The following ROBO2 variants were observed in gnomAD, a reference collection of about 807,000 sequenced individuals.
ROBO2 encodes roundabout guidance receptor 2, also known as roundabout homolog 2.
Under a neutral mutation model 160.8 loss-of-function variants are expected in ROBO2, and 53 were observed. The ratio of observed to expected loss-of-function variants is 0.33; its 90% CI spans 0.26 to 0.41. The LOEUF is 0.41. ROBO2 is among the 10% of genes least tolerant of loss of function. The probability of loss-of-function intolerance (pLI) is 1.00; values close to 1 mark genes in which losing one functional copy is unlikely to be tolerated. For missense variants in ROBO2, 1,577 were observed against 1,722.4 expected (o/e 0.92, Z 1.49); for synonymous variants, 664 against 611.7 (o/e 1.09, Z -1.26).
At chr3:77,413,104 T>G (rs2076936057) in intron 2 of ROBO2, among the ~76,000 whole-genome samples, 1 of 152,076 alleles carries the variant, frequency 6.6e-6, no homozygotes, top group African/African-American at 2.4e-5. Context: ...CAGTACTCTT[T>G]TGGGCCCTGG....
At chr3:76,368,829 A>G (rs2075962623) in intron 2 of ROBO2, among the ~76,000 whole-genome samples, 2 of 151,964 alleles carry the variant, frequency 1.3e-5, no homozygotes, top group South Asian at 4.1e-4. Context: ...AATTGAGACT[A>G]AAGATACCTT....
At chr3:76,738,149 TA>T (rs1445560588) in intron 2 of ROBO2, among the ~76,000 whole-genome samples, 4 of 150,958 alleles carry the variant, frequency 2.6e-5, no homozygotes, top group African/African-American at 7.3e-5. Flanking sequence ...AAATAAAAAA[TA>T]AAAAAAAGAG....
chr3:76,582,559 G>C (rs1169716163), intron 2 of ROBO2, among the ~76,000 whole-genome samples: 1 of 151,754 alleles, frequency 6.6e-6, no homozygotes, highest in African/African-American at 2.4e-5. Context: ...AAAACAAATA[G>C]AAAAATTAAA....
At chr3:77,254,737 A>G (rs568612499) in intron 2 of ROBO2, among the ~76,000 whole-genome samples, 2 of 152,204 alleles carry the variant, frequency 1.3e-5, no homozygotes, top group Admixed American at 6.5e-5. Flanking sequence ...TGTTCTAGGC[A>G]CTTATTTCAC....
At chr3:76,884,019 C>T (rs2073630888) in intron 2 of ROBO2, among the ~76,000 whole-genome samples, 1 of 152,082 alleles carries the variant, frequency 6.6e-6, no homozygotes, top group Non-Finnish European at 1.5e-5. Context: ...TTTATCAATC[C>T]TCTGTATGAG....
At chr3:76,215,410 GA>G (rs970914004) in intron 2 of ROBO2, among the ~76,000 whole-genome samples, 1 of 151,698 alleles carries the variant, frequency 6.6e-6, no homozygotes, top group South Asian at 2.1e-4. Context: ...TAAAAACTTT[GA>G]AAAAAAATTA....
intron 2 of ROBO2, among the ~76,000 whole-genome samples, chr3:77,187,856 C>T (rs2081421124): frequency 1.3e-5 from 2 of 151,780 alleles, no homozygotes; most frequent in East Asian, 1.9e-4. Context: ...AAATAAGTAG[C>T]AGAAAATGAC....
intron 2 of ROBO2, among the ~76,000 whole-genome samples, chr3:76,190,955 T>C (rs34825486): frequency 0.013 from 1,992 of 152,208 alleles, 52 homozygotes; most frequent in African/African-American, 0.045. Flanking sequence ...CATTCAAAGG[T>C]TTTGCATGCT....
chr3:76,129,268 G>A (rs1447985280), intron 2 of ROBO2, among the ~76,000 whole-genome samples: 2 of 152,110 alleles, frequency 1.3e-5, no homozygotes, highest in Non-Finnish European at 2.9e-5. Flanking sequence ...ATTTGCTGCT[G>A]TACAGTAGTG....
At chr3:76,597,300 G>T (rs530072911) in intron 2 of ROBO2, among the ~76,000 whole-genome samples, 1 of 151,988 alleles carries the variant, frequency 6.6e-6, no homozygotes, top group Admixed American at 6.6e-5. Flanking sequence ...TGTAAAAGCC[G>T]TGTGAAGAGG....
chr3:76,534,761 T>C (rs1173781799), intron 2 of ROBO2, among the ~76,000 whole-genome samples: 1 of 152,038 alleles, frequency 6.6e-6, no homozygotes, highest in African/African-American at 2.4e-5. Flanking sequence ...AATTTGCCAA[T>C]CTTGTGTCAG....
intron 2 of ROBO2, among the ~76,000 whole-genome samples, chr3:76,365,623 A>T (rs140919511): frequency 6.6e-6 from 1 of 152,168 alleles, no homozygotes; most frequent in Non-Finnish European, 1.5e-5. Context: ...CCCTATTGAG[A>T]AATGCTGATT....
intron 17 of ROBO2, among the ~76,000 whole-genome samples, chr3:77,592,342 A>T (rs1351712078): frequency 2.0e-5 from 3 of 152,116 alleles, no homozygotes; most frequent in African/African-American, 7.2e-5. Context: ...GTCTAGAATC[A>T]TTTGAAAAAC....
chr3:76,670,717 A>G (rs1048139326), intron 2 of ROBO2, among the ~76,000 whole-genome samples: 20 of 151,970 alleles, frequency 1.3e-4, no homozygotes, highest in Non-Finnish European at 2.2e-4. Flanking sequence ...ACATGTATTT[A>G]TAGTATTTAG....
At chr3:77,007,282 G>A (rs1407537776) in intron 2 of ROBO2, among the ~76,000 whole-genome samples, 1 of 152,060 alleles carries the variant, frequency 6.6e-6, no homozygotes, top group East Asian at 1.9e-4. Flanking sequence ...TAGTAATTAT[G>A]AATTCATCAC....
chr3:77,014,472 CA>C (rs1261691881), intron 2 of ROBO2, among the ~76,000 whole-genome samples: 1 of 152,122 alleles, frequency 6.6e-6, no homozygotes, highest in Non-Finnish European at 1.5e-5. Flanking sequence ...TGTGTGACTC[CA>C]AAGCGAGCTG....
chr3:76,066,572 CTTTAT>C (rs1415792391), intron 2 of ROBO2, among the ~76,000 whole-genome samples: 1 of 151,522 alleles, frequency 6.6e-6, no homozygotes, highest in East Asian at 1.9e-4. Context: ...TAAGAGAAAA[CTTTAT>C]TTTAAGGATA....
At chr3:76,222,904 G>A (rs887943790) in intron 2 of ROBO2, among the ~76,000 whole-genome samples, 1 of 151,862 alleles carries the variant, frequency 6.6e-6, no homozygotes, top group African/African-American at 2.4e-5. Flanking sequence ...GCAGGCACCT[G>A]CCACCATGCC....
intron 2 of ROBO2, among the ~76,000 whole-genome samples, chr3:77,295,816 A>ACC (rs2062021324): frequency 6.7e-6 from 1 of 148,326 alleles, no homozygotes; most frequent in Non-Finnish European, 1.5e-5. Context: ...TAGAGCACTA[A>ACC]AGACATAAAG....
Sources: allele counts gnomAD v4.1 joint callset (sites outside exome capture counted in the v4.1 genomes callset), GRCh38; gene constraint gnomAD v4.1.1; transcripts MANE v1.5; gene names NCBI Gene and HGNC (gene_info 2026-07-23, HGNC 2026-07-21).